Variants in AIG1 observed in about 807,000 individuals in gnomAD.
The protein encoded by AIG1 is androgen-induced gene 1 protein.
Under a neutral mutation model 31.4 loss-of-function variants are expected in AIG1, and 23 were observed. That is an observed-to-expected ratio of 0.73 (90% confidence interval 0.53 to 1.04). The LOEUF (loss-of-function observed/expected upper bound fraction) is 1.04. Ranked by LOEUF, AIG1 falls within the 50% of genes least tolerant of loss-of-function variation. AIG1 has a pLI of 0.00. For synonymous variants in AIG1, 100 were observed against 110.5 expected (o/e 0.90, Z 0.60); for missense variants, 274 against 295.0 (o/e 0.93, Z 0.52).
At chr6:143,119,167 G>A (rs1782024311) in intron 1 of AIG1, among the ~76,000 whole-genome samples, 1 of 152,120 alleles carries the variant, frequency 6.6e-6, no homozygotes, top group Admixed American at 6.5e-5. Flanking sequence ...TACATAGCGT[G>A]CTTATCACCT....
intron 1 of AIG1, among the ~76,000 whole-genome samples, chr6:143,130,700 C>T (rs1783149119): frequency 6.6e-6 from 1 of 152,054 alleles, no homozygotes; most frequent in Non-Finnish European, 1.5e-5. Context: ...GCTTGGGAGA[C>T]AGAGCAAGAC....
chr6:143,150,874 A>C (rs557774132), intron 2 of AIG1, among the ~76,000 whole-genome samples: 1 of 152,190 alleles, frequency 6.6e-6, no homozygotes, highest in Non-Finnish European at 1.5e-5. Context: ...GTTTAGTATA[A>C]CTTTGTGTCT....
intron 1 of AIG1, among the ~76,000 whole-genome samples, chr6:143,114,847 A>G (rs763797094): frequency 1.3e-5 from 2 of 152,162 alleles, no homozygotes; most frequent in Admixed American, 6.5e-5. Flanking sequence ...CTGTGCCTCT[A>G]CTTCTTCATT....
chr6:143,104,730 C>T (rs1780637853), intron 1 of AIG1, among the ~76,000 whole-genome samples: 1 of 151,926 alleles, frequency 6.6e-6, no homozygotes, highest in South Asian at 2.1e-4. Flanking sequence ...AAAGCTTCAT[C>T]TCTACAAAAA....
At chr6:143,309,097 C>G (rs1030805230) in intron 4 of AIG1, among the ~76,000 whole-genome samples, 1 of 151,874 alleles carries the variant, frequency 6.6e-6, no homozygotes, top group African/African-American at 2.4e-5. Flanking sequence ...CATCAGAAAT[C>G]ATGCAAGCAA....
At chr6:143,155,306 G>A (rs1426350297) in intron 2 of AIG1, among the ~76,000 whole-genome samples, 2 of 152,104 alleles carry the variant, frequency 1.3e-5, no homozygotes, top group African/African-American at 2.4e-5. Context: ...TCAGTGTTAC[G>A]AAGGAAAAAT....
At chr6:143,210,496 G>A (rs1791494675) in intron 3 of AIG1, among the ~76,000 whole-genome samples, 1 of 152,218 alleles carries the variant, frequency 6.6e-6, no homozygotes, top group Non-Finnish European at 1.5e-5. Context: ...GAACCTGAAG[G>A]AGTAGTAGAT....
chr6:143,148,332 C>G (rs1005901090), intron 2 of AIG1, among the ~76,000 whole-genome samples: 1 of 124,322 alleles, frequency 8.0e-6, no homozygotes, highest in African/African-American at 3.2e-5. Context: ...GAGATCCCAT[C>G]TCTACAAAAA....
At chr6:143,264,626 T>C (rs1294648367) in intron 3 of AIG1, among the ~76,000 whole-genome samples, 1 of 152,220 alleles carries the variant, frequency 6.6e-6, no homozygotes, top group Admixed American at 6.5e-5. Flanking sequence ...GATCATTTCC[T>C]TGAGACTCCC....
Position 143,297,214 on chromosome 6 carries a change from G to A in AIG1, c.515+12989G>A, listed in dbSNP as rs896997232. Among the ~76,000 whole-genome samples the A allele has an allele frequency of 1.3e-5, 2 of 152,122 alleles. No homozygotes were observed. Among genetic ancestry groups the A allele is most frequent in the African/African-American group, 2.4e-5 (1 of 41,426 alleles). On this transcript the variant is annotated intron_variant, in intron 4 of 5. Transcript: ENST00000357847. This position sits in a 1 kb window ranked among gnomAD's most constrained non-coding sequence, Gnocchi z 5.1. ...GGTGAATAAGAGTTAGCTTTGTGAA[G>A]GTCCAGGATAAAAGTGTCCCAGGCA...
intron 1 of AIG1, among the ~76,000 whole-genome samples, chr6:143,114,506 A>C (rs1781576795): frequency 6.6e-6 from 1 of 152,228 alleles, no homozygotes; most frequent in African/African-American, 2.4e-5. Flanking sequence ...GTTGGCAGGC[A>C]AAGAAGAAGA....
At position 143,327,192 on chromosome 6, in the gene AIG1, A is replaced by G. The variant is rs560891731; in HGVS notation, c.516-6090A>G. On this transcript the variant is annotated intron_variant, in intron 4 of 5. Coordinates refer to ENST00000357847, the MANE Select transcript of AIG1 (RefSeq NM_016108.4). The surrounding 1 kb of genome is among the most constrained non-coding windows in gnomAD (Gnocchi z 5.3). ...CATGGGAAAAATCAACATATTAGAGAGATGTAAGGGGTAACCTTGATAAGA... is the reference window on the plus strand; with the variant it reads ...CATGGGAAAAATCAACATATTAGAGGGATGTAAGGGGTAACCTTGATAAGA... 3.1e-5 allele frequency: 5 copies of G among 159,910 alleles called. No individual in the cohort carries two copies. The South Asian group carries it at 9.0e-4, about 29-fold the overall frequency. 9.9% of individuals were successfully genotyped at this position (159,910 alleles called of 1,614,324 possible).
At chr6:143,061,132 G>T (rs1456582498) in intron 1 of AIG1, 66 bp downstream of exon 1, 3 of 1,556,740 alleles carry the variant, frequency 1.9e-6, no homozygotes, top group Non-Finnish European at 2.6e-6. Flanking sequence ...GTGTGTGTGT[G>T]TGTGTGTGTG....
rs183489941 is a variant in AIG1, at chr6:143,252,304, A to G, written c.400-31806A>G. 4.4e-3 allele frequency among the ~76,000 whole-genome samples: 662 copies of G among 152,134 alleles called. 2 individuals are homozygous for G. The highest frequency in any genetic ancestry group is 6.8e-3 in the Middle Eastern group (2 of 292). On this transcript the variant is annotated intron_variant, in intron 3 of 5. Coordinates refer to ENST00000357847, the MANE Select transcript of AIG1 (RefSeq NM_016108.4). ...CCAGCTAATTTTTTTAATTTTTAGT[A>G]GATATGGGGTTTCACCATGTTGGCC... is the stretch of plus-strand genomic sequence containing the variant.
At chr6:143,282,128 T>A (rs1196053729) in intron 3 of AIG1, among the ~76,000 whole-genome samples, 1 of 152,214 alleles carries the variant, frequency 6.6e-6, no homozygotes, top group Non-Finnish European at 1.5e-5. Context: ...TCTGATTGGT[T>A]ATTTATACAA....
At position 143,293,121 on chromosome 6, in the gene AIG1, G is replaced by A. The variant is rs1441949279; in HGVS notation, c.515+8896G>A. ...CCATAGGGATGCTCAGGAAATGAGA[G>A]CATCTTCCCTTCCTCTTAGGCGACA... is the stretch of plus-strand genomic sequence containing the variant. On this transcript the variant is annotated intron_variant, in intron 4 of 5. Coordinates refer to ENST00000357847, the MANE Select transcript of AIG1 (RefSeq NM_016108.4). The surrounding 1 kb of genome is among the most constrained non-coding windows in gnomAD (Gnocchi z 4.8). Among the ~76,000 whole-genome samples, 5 of 152,268 alleles carry A rather than the reference G, an allele frequency of 3.3e-5. No individual in the cohort carries two copies. The highest frequency in any genetic ancestry group is 4.1e-4 in the South Asian group (2 of 4,820).
intron 3 of AIG1, among the ~76,000 whole-genome samples, chr6:143,213,070 C>T (rs1292650081): frequency 6.6e-6 from 1 of 152,116 alleles, no homozygotes; most frequent in Non-Finnish European, 1.5e-5. Flanking sequence ...CTAAATAGCC[C>T]CTTGAATACT....
chr6:143,143,062 A>C (rs1784371839), intron 2 of AIG1, among the ~76,000 whole-genome samples: 1 of 152,150 alleles, frequency 6.6e-6, no homozygotes, highest in African/African-American at 2.4e-5. Context: ...GATTGGCTTA[A>C]ATGGGAAACC....
chr6:143,294,847 T>A (rs1188143483), intron 4 of AIG1, among the ~76,000 whole-genome samples: 1 of 152,190 alleles, frequency 6.6e-6, no homozygotes, highest in Non-Finnish European at 1.5e-5. Context: ...CCTCATTTGC[T>A]GGCTCTTTCA....
Sources: gnomAD v4.1 joint callset for allele counts (sites outside exome capture counted in the v4.1 genomes callset) on GRCh38, gnomAD v4.1.1 for gene constraint, Gnocchi (gnomAD v3.1) non-coding constraint, MANE v1.5 for transcripts, NCBI Gene and HGNC (gene_info 2026-07-23, HGNC 2026-07-21) for gene names.